The following MAD1L1 variants were observed in gnomAD, a reference collection of about 807,000 sequenced individuals.
The protein encoded by MAD1L1 is mitotic spindle assembly checkpoint protein MAD1.
MAD1L1 carries 95 observed loss-of-function variants against 96.9 expected under a neutral mutation model. The ratio of observed to expected loss-of-function variants is 0.98; its 90% confidence interval spans 0.83 to 1.16. The LOEUF is 1.16. Ranked by LOEUF, MAD1L1 falls within the 50% of genes most tolerant of loss-of-function variation. The pLI is 0.00. For synonymous variants in MAD1L1, 473 were observed against 396.6 expected, an observed-to-expected ratio of 1.19 and a Z score of -2.29; for missense variants, 1,007 against 954.4, an observed-to-expected ratio of 1.06 and a Z score of -0.73.
chr7:1,986,608 A>ATGTGTCTGCTCAC (rs1399612641), intron 14 of MAD1L1, among the ~76,000 whole-genome samples: 3 of 151,132 alleles, frequency 2.0e-5, no homozygotes. Flanking sequence ...TTCCCCGGGG[A>ATGTGTCTGCTCAC]TGTGTCTGCT....
At chr7:2,014,280 G>GAC (rs377155556) in intron 13 of MAD1L1, among the ~76,000 whole-genome samples, 1 of 152,310 alleles carries the variant, frequency 6.6e-6, no homozygotes, top group East Asian at 1.9e-4. Flanking sequence ...GACCACCTGA[G>GAC]ACACCCTGAC....
At chr7:2,057,419 G>A (rs1370237703) in intron 12 of MAD1L1, among the ~76,000 whole-genome samples, 1 of 152,208 alleles carries the variant, frequency 6.6e-6, no homozygotes, top group African/African-American at 2.4e-5. Context: ...CAGAGGCTGA[G>A]GGGAGAACTG....
At chr7:2,051,880 C>T (rs900879430) in intron 12 of MAD1L1, among the ~76,000 whole-genome samples, 2 of 151,886 alleles carry the variant, frequency 1.3e-5, no homozygotes, top group Non-Finnish European at 2.9e-5. Context: ...GCAGCAGGTG[C>T]CGTGTCAGGC....
chr7:1,867,293 C>A (rs567495633), intron 18 of MAD1L1, among the ~76,000 whole-genome samples: 1 of 152,256 alleles, frequency 6.6e-6, no homozygotes, highest in South Asian at 2.1e-4. Flanking sequence ...AGGGGAATGC[C>A]GGGACAAGGA....
At chr7:2,159,549 G>C (rs1790002074) in intron 10 of MAD1L1, among the ~76,000 whole-genome samples, 1 of 152,124 alleles carries the variant, frequency 6.6e-6, no homozygotes, top group Non-Finnish European at 1.5e-5. Context: ...TGGAATGCAG[G>C]CTCCAGAAAG....
chr7:1,858,241 C>T (rs970805184), intron 18 of MAD1L1, among the ~76,000 whole-genome samples: 1 of 152,230 alleles, frequency 6.6e-6, no homozygotes, highest in Non-Finnish European at 1.5e-5. Context: ...GTCCCCTGCT[C>T]GCCACAACCA....
At chr7:2,068,303 C>T (rs1238971068) in intron 12 of MAD1L1, among the ~76,000 whole-genome samples, 1 of 152,204 alleles carries the variant, frequency 6.6e-6, no homozygotes, top group Non-Finnish European at 1.5e-5. Context: ...TGGAGCCGCC[C>T]AGAGCGAGCT....
chr7:2,025,221 T>C (rs1316963028), intron 12 of MAD1L1, among the ~76,000 whole-genome samples: 1 of 152,212 alleles, frequency 6.6e-6, no homozygotes, highest in Non-Finnish European at 1.5e-5. Context: ...TAAAAAATTA[T>C]AGATCTAGAG....
intron 10 of MAD1L1, among the ~76,000 whole-genome samples, chr7:2,158,294 G>C (rs916882412): frequency 1.3e-5 from 2 of 152,200 alleles, no homozygotes; most frequent in African/African-American, 4.8e-5. Context: ...AGCAGATGTT[G>C]GGGCTCTAGC....
intron 18 of MAD1L1, chr7:1,846,213 G>A (rs1167391412): frequency 6.6e-6 from 1 of 152,568 alleles, no homozygotes; most frequent in African/African-American, 2.4e-5. Flanking sequence ...AGGGCCAGGG[G>A]CTGGTCAGCA....
intron 11 of MAD1L1, among the ~76,000 whole-genome samples, chr7:2,071,537 GGCT>G (rs1485394858): frequency 9.8e-5 from 15 of 152,368 alleles, no homozygotes; most frequent in Non-Finnish European, 2.9e-5. Flanking sequence ...GACTGACGGT[GGCT>G]GCAGCCCCTG....
At chr7:2,123,832 C>G (rs1028462248) in intron 11 of MAD1L1, among the ~76,000 whole-genome samples, 10 of 152,232 alleles carry the variant, frequency 6.6e-5, no homozygotes, top group African/African-American at 2.4e-4. Flanking sequence ...GTTTACCACT[C>G]AAGCCAGAAA....
intron 18 of MAD1L1, among the ~76,000 whole-genome samples, chr7:1,819,568 G>T (rs1211130553): frequency 6.6e-6 from 1 of 152,188 alleles, no homozygotes; most frequent in East Asian, 1.9e-4. Flanking sequence ...TTGTGTGCCC[G>T]GCCCCCATTC....
intron 17 of MAD1L1, among the ~76,000 whole-genome samples, chr7:1,912,168 C>T (rs1039545756): frequency 6.6e-6 from 1 of 152,170 alleles, no homozygotes; most frequent in African/African-American, 2.4e-5. Flanking sequence ...AGGGGCCCTG[C>T]GTGCGGGTAC....
At chr7:2,015,777 C>T (rs148396536) in intron 12 of MAD1L1, among the ~76,000 whole-genome samples, 13 of 152,320 alleles carry the variant, frequency 8.5e-5, no homozygotes, top group East Asian at 3.9e-4. Context: ...CCCAGGTGTG[C>T]GGGAGGGCAG....
intron 12 of MAD1L1, among the ~76,000 whole-genome samples, chr7:2,055,394 A>G (rs1295476617): frequency 2.6e-5 from 4 of 152,130 alleles, no homozygotes; most frequent in Non-Finnish European, 4.4e-5. Context: ...GCCACCCCTG[A>G]CAGAACTGGC....
intron 17 of MAD1L1, among the ~76,000 whole-genome samples, chr7:1,922,742 G>A (rs748349992): frequency 2.6e-5 from 4 of 152,230 alleles, no homozygotes; most frequent in East Asian, 1.9e-4. Context: ...CCAGGTCTGC[G>A]GTGAGCTGCA....
chr7:2,169,281 G>C (rs1263226098), intron 10 of MAD1L1, among the ~76,000 whole-genome samples: 1 of 152,202 alleles, frequency 6.6e-6, no homozygotes, highest in African/African-American at 2.4e-5. Flanking sequence ...AGCGGGTAGG[G>C]ATGCGACTGG....
At chr7:1,900,913 A>C (rs766008125) in intron 17 of MAD1L1, among the ~76,000 whole-genome samples, 41 of 152,124 alleles carry the variant, frequency 2.7e-4, no homozygotes, top group Non-Finnish European at 2.9e-5. Flanking sequence ...AGGGCGAGGA[A>C]GGCAGTGTGT....
Sources: allele counts gnomAD v4.1 joint callset (sites outside exome capture counted in the v4.1 genomes callset), GRCh38; gene constraint gnomAD v4.1.1; transcripts MANE v1.5; gene names NCBI Gene and HGNC (gene_info 2026-07-23, HGNC 2026-07-21).